Variants in TMTC2 observed in about 807,000 individuals in gnomAD.
The protein encoded by TMTC2 is transmembrane O-mannosyltransferase targeting cadherins 2.
In TMTC2, 43 loss-of-function variants were observed where a neutral mutation model predicts 82.4. The observed-to-expected ratio is 0.52, with a 90% CI of 0.41 to 0.67. TMTC2 has a LOEUF of 0.67. TMTC2 is among the 30% of genes least tolerant of loss of function. TMTC2 has a pLI of 0.00. For synonymous variants in TMTC2, 408 were observed against 381.9 expected, an observed-to-expected ratio of 1.07 and a Z score of -0.80; for missense variants, 919 against 1,012.4, an observed-to-expected ratio of 0.91 and a Z score of 1.25.
At chr12:82,937,241 GC>G (rs1370843142) in intron 4 of TMTC2, among the ~76,000 whole-genome samples, 1 of 152,092 alleles carries the variant, frequency 6.6e-6, no homozygotes, top group East Asian at 1.9e-4. Flanking sequence ...TGTTGGCAGG[GC>G]CATGCTCCCT....
intron 7 of TMTC2, among the ~76,000 whole-genome samples, chr12:82,975,356 T>G (rs2137319453): frequency 6.6e-6 from 1 of 152,228 alleles, no homozygotes; most frequent in African/African-American, 2.4e-5. Context: ...TAGTTTTAAT[T>G]TTATCTACAC....
rs1555206993 is a variant in TMTC2, at chr12:83,032,285, A to ATATATATG, written c.2152+1413_2152+1414insGTATATAT. On this transcript the variant is annotated intron_variant, in intron 9 of 11. Transcript: ENST00000321196. ...TATATATATATATATATATATATATATATATATATAGGTTTGTCACAATCC... is the reference window on the plus strand; with the variant it reads ...TATATATATATATATATATATATATATATATATGTATATATATAGGTTTGTCACAATCC... Among the ~76,000 whole-genome samples the ATATATATG allele has an allele frequency of 2.4e-3, 209 of 85,660 alleles. 2 individuals carry two copies. In the East Asian group the frequency reaches 0.034, roughly 14 times the overall value. 56.2% of individuals were successfully genotyped at this position (85,660 alleles called of 152,430 possible).
chr12:82,991,302 C>T lies in TMTC2; in HGVS notation c.2070+5256C>T, dbSNP rs140079198. On this transcript the variant is annotated intron_variant, in intron 8 of 11. Coordinates refer to ENST00000321196, the MANE Select transcript of TMTC2 (RefSeq NM_152588.3). ...GGAGATTGGAAAAATAACTTGACTA[C>T]CTTGTTACTTAGTAAGTTACAAGTT... 3.8e-3 allele frequency among the ~76,000 whole-genome samples: 575 copies of T among 152,076 alleles called. 6 individuals are homozygous for T. Among genetic ancestry groups the T allele is most frequent in the Admixed American group, 0.031 (472 of 15,260 alleles).
At chr12:82,757,308 C>G (rs958280019) in intron 1 of TMTC2, among the ~76,000 whole-genome samples, 2 of 152,170 alleles carry the variant, frequency 1.3e-5, no homozygotes, top group Non-Finnish European at 2.9e-5. Context: ...AATATTGCTT[C>G]ATTTGTATAG....
At chr12:83,017,270 A>G (rs145439049) in intron 8 of TMTC2, among the ~76,000 whole-genome samples, 1 of 152,270 alleles carries the variant, frequency 6.6e-6, no homozygotes, top group Non-Finnish European at 1.5e-5. Flanking sequence ...CTAATTGTGA[A>G]TTATTGTGAG....
chr12:83,124,322 C>T (rs1565897221), intron 11 of TMTC2, among the ~76,000 whole-genome samples: 2 of 152,292 alleles, frequency 1.3e-5, no homozygotes, highest in East Asian at 3.9e-4. Context: ...TCTGCTAGCA[C>T]ATACAAATTT....
intron 1 of TMTC2, among the ~76,000 whole-genome samples, chr12:82,809,639 C>T (rs544856834): frequency 2.0e-5 from 3 of 152,144 alleles, no homozygotes; most frequent in African/African-American, 7.2e-5. Context: ...ACAATTTTTT[C>T]GTACTATTTA....
chr12:82,742,088 A>C (rs1313052309), intron 1 of TMTC2, among the ~76,000 whole-genome samples: 1 of 152,170 alleles, frequency 6.6e-6, no homozygotes, highest in Non-Finnish European at 1.5e-5. Flanking sequence ...GTGGAGGCCT[A>C]GTATGGCCCA....
intron 11 of TMTC2, among the ~76,000 whole-genome samples, chr12:83,082,938 G>A (rs538709357): frequency 6.6e-6 from 1 of 152,216 alleles, no homozygotes; most frequent in Non-Finnish European, 1.5e-5. Flanking sequence ...ATACCGCTTA[G>A]CAGTTTAGGC....
chr12:83,028,080 C>G (rs1263238094), intron 8 of TMTC2, among the ~76,000 whole-genome samples: 1 of 151,830 alleles, frequency 6.6e-6, no homozygotes, highest in African/African-American at 2.4e-5. Flanking sequence ...ATATTGCTTT[C>G]TAGTGATGAT....
intron 4 of TMTC2, among the ~76,000 whole-genome samples, chr12:82,946,451 G>A (rs941462249): frequency 6.6e-6 from 1 of 152,058 alleles, no homozygotes; most frequent in Non-Finnish European, 1.5e-5. Flanking sequence ...TACCCCTGCA[G>A]AATTAAAGAA....
At chr12:83,072,221 T>G (rs1883144098) in intron 11 of TMTC2, among the ~76,000 whole-genome samples, 1 of 152,194 alleles carries the variant, frequency 6.6e-6, no homozygotes, top group African/African-American at 2.4e-5. Context: ...TGTCGTTCAG[T>G]TCAAAGAATT....
At chr12:82,990,142 A>C (rs940001505) in intron 8 of TMTC2, among the ~76,000 whole-genome samples, 8 of 152,196 alleles carry the variant, frequency 5.3e-5, no homozygotes, top group African/African-American at 1.9e-4. Context: ...TGCTAGTTTC[A>C]AGAGAAGAGG....
At chr12:83,111,049 C>T (rs7960298) in intron 11 of TMTC2, among the ~76,000 whole-genome samples, 22,704 of 152,234 alleles carry the variant, frequency 0.15, 1,983 homozygotes, top group African/African-American at 0.24. Flanking sequence ...GTCTTATAAA[C>T]CAACTTCCAC....
chr12:83,052,926 A>G (rs1283446956), intron 10 of TMTC2, among the ~76,000 whole-genome samples: 1 of 140,994 alleles, frequency 7.1e-6, no homozygotes, highest in African/African-American at 2.5e-5. Context: ...TGACTGCAAG[A>G]GTGACCACAG....
At chr12:83,003,409 A>C (rs1297679281) in intron 8 of TMTC2, among the ~76,000 whole-genome samples, 1 of 152,014 alleles carries the variant, frequency 6.6e-6, no homozygotes, top group East Asian at 1.9e-4. Flanking sequence ...TGTTTAGATC[A>C]TTTACATTCA....
intron 4 of TMTC2, among the ~76,000 whole-genome samples, chr12:82,960,439 A>G (rs1160611611): frequency 6.6e-6 from 1 of 152,134 alleles, no homozygotes; most frequent in Non-Finnish European, 1.5e-5. Flanking sequence ...GGAATACTAC[A>G]CAGCCATAAA....
At chr12:83,090,418 T>C (rs1397555109) in intron 11 of TMTC2, among the ~76,000 whole-genome samples, 1 of 152,196 alleles carries the variant, frequency 6.6e-6, no homozygotes, top group Non-Finnish European at 1.5e-5. Context: ...CTGTTTCCAT[T>C]GTTATGCATT....
intron 9 of TMTC2, among the ~76,000 whole-genome samples, chr12:83,036,379 GTAT>G (rs1424782461): frequency 2.6e-5 from 4 of 151,314 alleles, no homozygotes; most frequent in African/African-American, 4.9e-5. Flanking sequence ...ATAATTATCT[GTAT>G]TATTATTATT....
Sources: allele counts gnomAD v4.1 joint callset (sites outside exome capture counted in the v4.1 genomes callset), GRCh38; gene constraint gnomAD v4.1.1; transcripts MANE v1.5; gene names NCBI Gene and HGNC (gene_info 2026-07-23, HGNC 2026-07-21).